Variants in PSME4 observed in about 807,000 individuals in gnomAD.
PSME4 encodes the protein proteasome activator complex subunit 4.
A neutral mutation model predicts 253.9 loss-of-function variants in PSME4; 89 were observed. The ratio of observed to expected loss-of-function variants is 0.35; its 90% CI spans 0.30 to 0.42. PSME4 has a LOEUF of 0.42. Among genes scored for constraint, PSME4 ranks in the 10% least tolerant of loss-of-function variants. PSME4 has a pLI of 1.00. For missense variants in PSME4, 2,014 were observed against 2,195.2 expected, an observed-to-expected ratio of 0.92 and a Z score of 1.65; for synonymous variants, 851 against 759.2, an observed-to-expected ratio of 1.12 and a Z score of -1.99.
intron 41 of PSME4, among the ~76,000 whole-genome samples, chr2:53,878,610 G>A (rs1387629532): frequency 6.6e-6 from 1 of 152,230 alleles, no homozygotes; most frequent in Non-Finnish European, 1.5e-5. Context: ...GTGTCCCTAA[G>A]GGGAGGCCTC....
intron 44 of PSME4, among the ~76,000 whole-genome samples, chr2:53,867,733 A>T (rs574805034): frequency 6.1e-4 from 93 of 151,776 alleles, no homozygotes; most frequent in Non-Finnish European, 5.7e-4. Context: ...ATGACAGCAT[A>T]ATTGTACCTA....
At chr2:53,923,976 A>G (rs1367641642) in intron 14 of PSME4, among the ~76,000 whole-genome samples, 1 of 151,582 alleles carries the variant, frequency 6.6e-6, no homozygotes, top group Non-Finnish European at 1.5e-5. Flanking sequence ...TGCCACAGAA[A>G]CCCTACACAT....
rs1669100768 is a variant in PSME4 at position 53,936,117 on chromosome 2, C to A, written c.804G>T (p.Gly268=). Residue 268 remains glycine (G), a synonymous_variant, in exon 7 of 47, where the codon GGG becomes GGT. Coordinates refer to ENST00000404125, the MANE Select transcript of PSME4 (RefSeq NM_014614.3). ...LFARLATDNI[G]YIDWDPYVPK... ...GTACATATGGATCCCAATCTATGTA[C>A]CCTATATTATCTGTAGCCAATCGAG... is the stretch of plus-strand genomic sequence containing the variant. The A allele has an allele frequency of 6.2e-7, 1 of 1,613,128 alleles. No homozygotes were observed. The highest frequency in any genetic ancestry group is 8.5e-7 in the Non-Finnish European group (1 of 1,179,492).
chr2:53,897,858 C>T lies in PSME4; in HGVS notation c.3606+12G>A, dbSNP rs962791738. The T allele has an allele frequency of 1.6e-5, 26 of 1,612,590 alleles. No homozygotes were observed. The highest frequency in any genetic ancestry group is 2.2e-5 in the Non-Finnish European group (26 of 1,178,856). ...CTCAAACCCAAGACTGTAGCTAAAA[C>T]AAGGTATGTACCTTTCGAACTACAA... On this transcript the variant is annotated intron_variant, in intron 31 of 46. Transcript: ENST00000404125.
Position 53,908,792 on chromosome 2 carries a change from T to C in PSME4, c.2621A>G (p.Lys874Arg), listed in dbSNP as rs745911013. 6.3e-7 allele frequency: 1 copy of C among 1,599,120 alleles called. No homozygotes were observed. The highest frequency in any genetic ancestry group is 1.3e-5 in the African/African-American group (1 of 74,184). ...HREVIATVIR[K>R]LLNHILDNSE... ...TGTACAGATACACTTACTAAGAAGT[T>C]TCCTTATAACTGTAGCAATTACTTC... The change falls in exon 22 of 47, where the codon AAA becomes AGA. Residue 874 changes from lysine to arginine, a missense_variant. Physicochemically the swap from Lys to Arg is conservative, Grantham distance 26 (BLOSUM62 2). Around this residue, in one of 4 missense-constraint regions of PSME4, gnomAD observed 989 missense variants for 1,021.1 expected, o/e 0.97. Transcript: ENST00000404125.
intron 1 of PSME4, among the ~76,000 whole-genome samples, chr2:53,959,186 T>C (rs1253455745): frequency 1.3e-5 from 2 of 152,148 alleles, no homozygotes; most frequent in Non-Finnish European, 2.9e-5. Flanking sequence ...TATTTTTTAC[T>C]GATTATTGTA....
chr2:53,933,887 G>T (rs970488345), intron 8 of PSME4, among the ~76,000 whole-genome samples: 1 of 152,108 alleles, frequency 6.6e-6, no homozygotes, highest in Non-Finnish European at 1.5e-5. Flanking sequence ...ATTTTTCTGT[G>T]TAACAATAAA....
In PSME4 at chr2:53,924,003, G is replaced by A. The variant is rs534754938; in HGVS notation, c.1810-584C>T. ...CCTACACATAAAATTATACCTGGTG[G>A]AAGCAAATGCAATTTAATTGTCTTT... is the stretch of plus-strand genomic sequence containing the variant. On this transcript the variant is annotated intron_variant, in intron 14 of 46. Transcript: ENST00000404125. 6.0e-5 allele frequency among the ~76,000 whole-genome samples: 9 copies of A among 151,228 alleles called. No homozygotes were observed. The South Asian group carries it at 1.7e-3, about 28-fold the overall frequency.
chr2:53,891,963 T>C (rs1346295189), intron 36 of PSME4, among the ~76,000 whole-genome samples: 1 of 151,778 alleles, frequency 6.6e-6, no homozygotes, highest in Admixed American at 6.6e-5. Context: ...AATTCTTCAA[T>C]CAGCAGGAAG....
At chr2:53,891,647 G>A (rs1679909445) in intron 36 of PSME4, among the ~76,000 whole-genome samples, 2 of 151,962 alleles carry the variant, frequency 1.3e-5, no homozygotes, top group Admixed American at 1.3e-4. Flanking sequence ...GAGTTCAAGA[G>A]CCAGGAGTTC....
chr2:53,888,791 G>C lies in PSME4; in HGVS notation c.4318C>G (p.Leu1440Val). ...AACAGCAGTTCAAAAAGCCAGTGAA[G>C]TTTCCGGGGATCTCTGCTTTCCTGT... ...TSCESRDPRK[L>V]HWLFELLLES... is the part of the protein sequence containing the mutation. Residue 1440 changes from leucine to valine, a missense_variant, in exon 38 of 47, where the codon CTT becomes GTT. By Grantham distance (32) the Leu-to-Val change is conservative (BLOSUM62 1). Coordinates refer to ENST00000404125, the MANE Select transcript of PSME4 (RefSeq NM_014614.3). 6.2e-7 allele frequency: 1 copy of C among 1,612,344 alleles called. No homozygotes were observed. Among genetic ancestry groups the C allele is most frequent in the Non-Finnish European group, 8.5e-7 (1 of 1,178,686 alleles).
chr2:53,878,901 T>C (rs945310423), intron 41 of PSME4, among the ~76,000 whole-genome samples: 1 of 152,200 alleles, frequency 6.6e-6, no homozygotes, highest in Non-Finnish European at 1.5e-5. Context: ...TTTATTACCT[T>C]GGGAAGTACG....
chr2:53,876,713 A>ATTTTTTTT (rs1224675454), intron 41 of PSME4, among the ~76,000 whole-genome samples: 9 of 77,182 alleles, frequency 1.2e-4, no homozygotes, highest in Admixed American at 2.7e-4. Context: ...AGCCACTGTC[A>ATTTTTTTT]TTCTTTTTTT....
At position 53,919,132 on chromosome 2, in the gene PSME4, AAC is replaced by A; in HGVS notation, c.2516+17_2516+18del. The A allele has an allele frequency of 6.3e-7, 1 of 1,599,466 alleles. No homozygotes were observed. Among genetic ancestry groups the A allele is most frequent in the South Asian group, 1.1e-5 (1 of 88,216 alleles). On this transcript the variant is annotated intron_variant, in intron 20 of 46. Transcript: ENST00000404125. The stretch of plus-strand genomic sequence containing the variant: ...GACTTAAAATATATGTTAAGTGGAA[AAC>A]AGTTATTTTTACTTACAAGTTAGTA...
chr2:53,928,059 G>T, intron 11 of PSME4, 58 bp downstream of exon 11: 1 of 1,379,076 alleles, frequency 7.3e-7, no homozygotes. Context: ...TTTTGTCACT[G>T]AGAAGTTTAC....
chr2:53,918,645 C>T (rs1362493332), intron 20 of PSME4, among the ~76,000 whole-genome samples: 2 of 152,106 alleles, frequency 1.3e-5, no homozygotes, highest in African/African-American at 4.8e-5. Flanking sequence ...AATTTTTTTT[C>T]ACCTTAAATG....
chr2:53,880,422 T>A (rs570133544), intron 41 of PSME4, among the ~76,000 whole-genome samples: 1 of 151,978 alleles, frequency 6.6e-6, no homozygotes, highest in African/African-American at 2.4e-5. Flanking sequence ...TAGCAAGATA[T>A]CATCTCTTAA....
chr2:53,952,275 C>T (rs1300386664), intron 1 of PSME4, among the ~76,000 whole-genome samples: 3 of 151,796 alleles, frequency 2.0e-5, no homozygotes, highest in Non-Finnish European at 4.4e-5. Context: ...TTTGTCTCTA[C>T]TACACACCTG....
intron 9 of PSME4, 75 bp downstream of exon 9, chr2:53,932,593 C>T: frequency 5.7e-6 from 7 of 1,228,366 alleles, no homozygotes; most frequent in Non-Finnish European, 8.4e-6. Context: ...TTACAGGTCA[C>T]ACAATAGGCA....
Sources: allele counts gnomAD v4.1 joint callset (sites outside exome capture counted in the v4.1 genomes callset), GRCh38; gene constraint gnomAD v4.1.1; regional missense constraint gnomAD v4.1.1; transcripts MANE v1.5; gene names NCBI Gene and HGNC (gene_info 2026-07-23, HGNC 2026-07-21).